LMBR1: variants seen among roughly 807,000 people sequenced by gnomAD.
The protein encoded by LMBR1 is limb region 1 protein homolog.
LMBR1 carries 52 observed loss-of-function variants against 73.9 expected under a neutral mutation model. The ratio of observed to expected loss-of-function variants is 0.70; its 90% CI spans 0.56 to 0.89. The LOEUF is 0.89. Among genes scored for constraint, LMBR1 ranks in the 40% least tolerant of loss-of-function variants. The probability of loss-of-function intolerance (pLI) is 0.00; values close to 1 mark genes in which losing one functional copy is unlikely to be tolerated. For synonymous variants in LMBR1, 215 were observed against 209.4 expected (o/e 1.03, Z -0.23); for missense variants, 539 against 579.8 (o/e 0.93, Z 0.72).
intron 1 of LMBR1, among the ~76,000 whole-genome samples, chr7:156,873,290 G>T (rs993669255): frequency 3.3e-5 from 5 of 151,796 alleles, no homozygotes; most frequent in Admixed American, 2.0e-4. Context: ...AGCGCGTCTG[G>T]AGTTGTTCAT....
intron 15 of LMBR1, among the ~76,000 whole-genome samples, chr7:156,691,744 A>T (rs1018856409): frequency 1.0e-4 from 13 of 129,466 alleles, no homozygotes; most frequent in East Asian, 2.0e-4. Flanking sequence ...TTGTTATTTT[A>T]AAAAAAAAAC....
At chr7:156,792,193 A>G (rs1420831008) in intron 5 of LMBR1, among the ~76,000 whole-genome samples, 1 of 152,148 alleles carries the variant, frequency 6.6e-6, no homozygotes, top group Non-Finnish European at 1.5e-5. Flanking sequence ...CATACAGCCA[A>G]TCTGAGGTAT....
Position 156,893,143 on chromosome 7 carries a change from C to T in LMBR1, c.-150G>A. 3 of 667,680 alleles carry T rather than the reference C, an allele frequency of 4.5e-6. No homozygotes were observed. Among genetic ancestry groups the T allele is most frequent in the Non-Finnish European group, 6.5e-6 (3 of 462,648 alleles). The allele number at this position is 667,680 out of a possible 1,614,324, so 41.4% of individuals were successfully genotyped here. On this transcript the variant is annotated 5_prime_UTR_variant, in exon 1 of 17. The change creates a new upstream start codon in the 5' untranslated region. Transcript: ENST00000353442. ...TGGAACAGGTACCGCGACCACGACA[C>T]CGGCCGTCGCCTCAGCAGCCTCAGA...
At chr7:156,762,781 C>T (rs11977054) in intron 7 of LMBR1, among the ~76,000 whole-genome samples, 30,486 of 151,846 alleles carry the variant, frequency 0.2, 3,441 homozygotes, top group African/African-American at 0.31. Flanking sequence ...TGAGTGTGCA[C>T]ATGGTTTGTG....
intron 5 of LMBR1, among the ~76,000 whole-genome samples, chr7:156,790,682 G>A (rs1287419657): frequency 2.0e-5 from 3 of 151,734 alleles, no homozygotes; most frequent in Non-Finnish European, 4.4e-5. Context: ...ATAATTTAGT[G>A]CCCTCCTAGA....
At chr7:156,790,635 A>C (rs1331395267) in intron 5 of LMBR1, among the ~76,000 whole-genome samples, 2 of 151,954 alleles carry the variant, frequency 1.3e-5, no homozygotes, top group Non-Finnish European at 2.9e-5. Context: ...GTTTTTAAAA[A>C]AAGCTGTTAC....
At chr7:156,722,702 T>C (rs1266316655) in intron 15 of LMBR1, among the ~76,000 whole-genome samples, 1 of 152,144 alleles carries the variant, frequency 6.6e-6, no homozygotes, top group African/African-American at 2.4e-5. Context: ...ATTTTAATTG[T>C]TCCATCTTTC....
chr7:156,789,497 C>A (rs923046851), intron 5 of LMBR1, among the ~76,000 whole-genome samples: 2 of 152,198 alleles, frequency 1.3e-5, no homozygotes, highest in African/African-American at 4.8e-5. Context: ...TACACAACTT[C>A]TATTTCTGGT....
intron 11 of LMBR1, 95 bp downstream of exon 11, chr7:156,728,549 T>C (rs2132426066): frequency 2.4e-6 from 2 of 836,100 alleles, no homozygotes; most frequent in Non-Finnish European, 3.8e-6. Context: ...AACTAGTTTA[T>C]GAAAAACCAT....
At chr7:156,706,718 A>T (rs1294502195) in intron 15 of LMBR1, among the ~76,000 whole-genome samples, 1 of 152,246 alleles carries the variant, frequency 6.6e-6, no homozygotes, top group East Asian at 1.9e-4. Context: ...AACTTGCGAG[A>T]TACAGCAAAA....
intron 3 of LMBR1, among the ~76,000 whole-genome samples, chr7:156,828,600 G>C (rs891183514): frequency 1.3e-5 from 2 of 152,058 alleles, no homozygotes; most frequent in East Asian, 3.9e-4. Context: ...AATATAACTA[G>C]TGTAAAAAAA....
At chr7:156,762,313 T>C in intron 7 of LMBR1, 115 bp from the exon 8 acceptor site, 2 of 686,208 alleles carry the variant, frequency 2.9e-6, no homozygotes, top group Non-Finnish European at 5.2e-6. Context: ...TTTAAGAACA[T>C]TCTTCTCTCC....
At position 156,739,554 on chromosome 7, in the gene LMBR1, G is replaced by A. The variant is rs779750944; in HGVS notation, c.758-5297C>T. On this transcript the variant is annotated intron_variant, in intron 9 of 16. Transcript: ENST00000353442. ...AGTCCCAGTGTTGGTGGCCACAGGA[G>A]TGCTTGCATCACCCCAACTCAGCTC... 3.3e-4 allele frequency among the ~76,000 whole-genome samples: 50 copies of A among 152,196 alleles called. 1 individual carries two copies. Among genetic ancestry groups the A allele is most frequent in the Admixed American group, 1.8e-3 (27 of 15,282 alleles).
rs1193497946 is a variant in LMBR1, at chr7:156,677,873, A to C, written c.*6205T>G. The C allele has an allele frequency of 6.6e-6, 1 of 152,258 alleles. No homozygotes were observed. The highest frequency in any genetic ancestry group is 1.5e-5 in the Non-Finnish European group (1 of 68,050). The allele number at this position is 152,258 out of a possible 1,614,324, so 9.4% of individuals were successfully genotyped here. ...ACAATGAGTAAGCACTTTTATTCTAAGAGAGCAGAGGGAAACTGAATCACA... is the reference window on the plus strand; with the variant it reads ...ACAATGAGTAAGCACTTTTATTCTACGAGAGCAGAGGGAAACTGAATCACA... On this transcript the variant is annotated 3_prime_UTR_variant, in exon 17 of 17. Coordinates refer to ENST00000353442, the MANE Select transcript of LMBR1 (RefSeq NM_022458.4).
At chr7:156,753,233 G>A (rs1345359274) in intron 9 of LMBR1, among the ~76,000 whole-genome samples, 2 of 151,960 alleles carry the variant, frequency 1.3e-5, no homozygotes, top group South Asian at 2.1e-4. Flanking sequence ...AAATCACCAC[G>A]AAAAAGGCAC....
At chr7:156,851,948 C>T (rs1796296260) in intron 1 of LMBR1, among the ~76,000 whole-genome samples, 1 of 152,088 alleles carries the variant, frequency 6.6e-6, no homozygotes, top group Admixed American at 6.6e-5. Context: ...CCTATGTATG[C>T]ACTCTGATTC....
chr7:156,697,524 G>A (rs939261647), intron 15 of LMBR1, among the ~76,000 whole-genome samples: 6 of 152,096 alleles, frequency 3.9e-5, no homozygotes, highest in South Asian at 2.1e-4. Flanking sequence ...CAGAGCGGCC[G>A]TTTATAGACC....
chr7:156,676,450 T>C, downstream of LMBR1: 1 of 1,614,084 alleles, frequency 6.2e-7, no homozygotes. Context: ...GAGTGCTCCA[T>C]CTGCCTGGCC....
chr7:156,778,930 A>C (rs554569526), intron 5 of LMBR1, among the ~76,000 whole-genome samples: 2 of 152,338 alleles, frequency 1.3e-5, no homozygotes, highest in Non-Finnish European at 2.9e-5. Context: ...CCCGAGGGGA[A>C]GCTTCCTATC....
Sources: gnomAD v4.1 joint callset for allele counts (sites outside exome capture counted in the v4.1 genomes callset) on GRCh38, gnomAD v4.1.1 for gene constraint, MANE v1.5 for transcripts, NCBI Gene and HGNC (gene_info 2026-07-23, HGNC 2026-07-21) for gene names.